SYCP2L: variants seen among roughly 807,000 people sequenced by gnomAD.
The protein encoded by SYCP2L is synaptonemal complex protein 2-like.
Under a neutral mutation model 125.8 loss-of-function variants are expected in SYCP2L, and 98 were observed. That is an observed-to-expected ratio of 0.78 (90% CI 0.66 to 0.92). The LOEUF (loss-of-function observed/expected upper bound fraction) is 0.92, where lower values mean the gene tolerates loss of function less well. SYCP2L is among the 40% of genes least tolerant of loss of function. The probability of loss-of-function intolerance (pLI) is 0.00; values close to 1 mark genes in which losing one functional copy is unlikely to be tolerated. For missense variants in SYCP2L, 842 were observed against 936.4 expected (o/e 0.90, Z 1.32); for synonymous variants, 317 against 325.4 (o/e 0.97, Z 0.28).
At chr6:10,953,170 C>A (rs1396951329) in intron 23 of SYCP2L, among the ~76,000 whole-genome samples, 1 of 152,104 alleles carries the variant, frequency 6.6e-6, no homozygotes, top group Non-Finnish European at 1.5e-5. Context: ...GCTTTGAGAT[C>A]ATCCTTTTTC....
At chr6:10,945,101 G>A (rs1237944) in intron 23 of SYCP2L, among the ~76,000 whole-genome samples, 2 of 151,968 alleles carry the variant, frequency 1.3e-5, no homozygotes, top group Non-Finnish European at 2.9e-5. Flanking sequence ...GGAGCTTTTA[G>A]CTATCTTTTT....
At chr6:10,916,157 A>G (rs768358672) in intron 14 of SYCP2L, among the ~76,000 whole-genome samples, 34 of 152,176 alleles carry the variant, frequency 2.2e-4, no homozygotes, top group Non-Finnish European at 4.7e-4. Flanking sequence ...CAGTGGTGTC[A>G]GTTGTAATAT....
At chr6:10,898,986 A>G in intron 6 of SYCP2L, 138 bp downstream of exon 6, 1 of 613,874 alleles carries the variant, frequency 1.6e-6, no homozygotes, top group Non-Finnish European at 2.9e-6. Flanking sequence ...CCTTATGGTC[A>G]TCATAGTGTC....
chr6:10,943,815 T>C (rs950720676), intron 23 of SYCP2L, among the ~76,000 whole-genome samples: 3 of 152,356 alleles, frequency 2.0e-5, no homozygotes, highest in Admixed American at 6.5e-5. Context: ...GACATTATAC[T>C]GTATACATTA....
intron 28 of SYCP2L, among the ~76,000 whole-genome samples, chr6:10,961,798 A>AT (rs1362562172): frequency 1.3e-5 from 2 of 152,048 alleles, no homozygotes; most frequent in Non-Finnish European, 2.9e-5. Context: ...TAAAATCCCA[A>AT]TTTTTTTATT....
chr6:10,920,273 A>G (rs910017335), intron 14 of SYCP2L, among the ~76,000 whole-genome samples: 2 of 152,152 alleles, frequency 1.3e-5, no homozygotes, highest in African/African-American at 4.8e-5. Flanking sequence ...GCTGGAGTGC[A>G]GTGGCGTGAT....
intron 14 of SYCP2L, among the ~76,000 whole-genome samples, chr6:10,914,958 C>G (rs1780665885): frequency 6.6e-6 from 1 of 152,078 alleles, no homozygotes; most frequent in Admixed American, 6.5e-5. Context: ...GTTAGCCAGG[C>G]CGATCATGAA....
Position 10,898,431 on chromosome 6 carries a change from T to C in SYCP2L, c.441+316T>C, listed in dbSNP as rs1187628223. ...GGGAGGCTGAGGCAGGAGAATCGCTTGAACCTGGGAGGCGGAGCTTATATA... is the reference window on the plus strand; with the variant it reads ...GGGAGGCTGAGGCAGGAGAATCGCTCGAACCTGGGAGGCGGAGCTTATATA... On this transcript the variant is annotated intron_variant, in intron 5 of 29. Coordinates refer to ENST00000283141, the MANE Select transcript of SYCP2L (RefSeq NM_001040274.3). Among the ~76,000 whole-genome samples the C allele has an allele frequency of 2.6e-5, 4 of 152,142 alleles. No homozygotes were observed. The South Asian group carries it at 6.2e-4, about 24-fold the overall frequency.
chr6:10,951,706 G>T (rs1405300701), intron 23 of SYCP2L, among the ~76,000 whole-genome samples: 1 of 152,160 alleles, frequency 6.6e-6, no homozygotes, highest in Non-Finnish European at 1.5e-5. Flanking sequence ...AGGATCTTTT[G>T]GTAGATTCTG....
At chr6:10,887,973 G>A (rs1480088064) in intron 1 of SYCP2L, among the ~76,000 whole-genome samples, 1 of 149,642 alleles carries the variant, frequency 6.7e-6, no homozygotes, top group Non-Finnish European at 1.5e-5. Context: ...CATTCACTGA[G>A]CCATTTTTAT....
chr6:10,960,248 T>C (rs1050954499), intron 26 of SYCP2L, among the ~76,000 whole-genome samples: 3 of 152,204 alleles, frequency 2.0e-5, no homozygotes, highest in African/African-American at 7.2e-5. Flanking sequence ...AATACATTAT[T>C]TGAATAGAAA....
intron 29 of SYCP2L, among the ~76,000 whole-genome samples, chr6:10,967,039 A>G (rs1337835537): frequency 6.6e-6 from 1 of 152,220 alleles, no homozygotes; most frequent in Non-Finnish European, 1.5e-5. Context: ...CTTAAAAAGC[A>G]TAAGAAGATA....
Position 10,912,638 on chromosome 6 carries a change from A to G in SYCP2L, c.919-35A>G, listed in dbSNP as rs774296288. ...TATCTGACCCTATAGCATGATTTTT[A>G]TGTGTATAAGTCATGCTGAAATGAT... On this transcript the variant is annotated intron_variant, in intron 12 of 29. Transcript: ENST00000283141. This position sits in a 1 kb window ranked among gnomAD's most constrained non-coding sequence, Gnocchi z 4.1. 15 of 1,460,496 alleles carry G rather than the reference A, an allele frequency of 1.0e-5. No homozygotes were observed. The East Asian group carries it at 3.2e-4, about 31-fold the overall frequency. 90.5% of individuals were successfully genotyped at this position (1,460,496 alleles called of 1,614,324 possible).
rs1266435923 is a variant in SYCP2L at position 10,907,757 on chromosome 6, A to G, written c.819+73A>G. ...GCATCCGCTGAGAACTTTCCTGTGC[A>G]TTGGGCTTACGGGAGGATTTTTTTG... On this transcript the variant is annotated intron_variant, in intron 10 of 29. Coordinates refer to ENST00000283141, the MANE Select transcript of SYCP2L (RefSeq NM_001040274.3). 11 of 1,527,310 alleles carry G rather than the reference A, an allele frequency of 7.2e-6. No individual in the cohort carries two copies. In the Admixed American group the frequency reaches 9.4e-5, roughly 13 times the overall value. 94.6% of individuals were successfully genotyped at this position (1,527,310 alleles called of 1,614,324 possible). A position where few individuals can be genotyped will look rare whatever the true frequency, so the allele number is the denominator to read the frequency against.
chr6:10,919,796 T>A (rs1581826222), intron 14 of SYCP2L, among the ~76,000 whole-genome samples: 1 of 152,100 alleles, frequency 6.6e-6, no homozygotes, highest in East Asian at 1.9e-4. Flanking sequence ...AATGGAGTTA[T>A]GTTCCTAGGA....
At chr6:10,903,279 T>A (rs986352609) in intron 8 of SYCP2L, among the ~76,000 whole-genome samples, 1 of 151,836 alleles carries the variant, frequency 6.6e-6, no homozygotes, top group Non-Finnish European at 1.5e-5. Context: ...CCAGGCGTGG[T>A]GGCTCACGCC....
At chr6:10,969,260 A>C (rs979666953) in intron 29 of SYCP2L, among the ~76,000 whole-genome samples, 2 of 151,956 alleles carry the variant, frequency 1.3e-5, no homozygotes, top group Admixed American at 1.3e-4. Context: ...TTTTAACTTG[A>C]GAGTAAACTG....
At chr6:10,941,018 C>T (rs1781207870) in intron 21 of SYCP2L, among the ~76,000 whole-genome samples, 1 of 152,118 alleles carries the variant, frequency 6.6e-6, no homozygotes, top group South Asian at 2.1e-4. Context: ...AAGAATTCAT[C>T]TTTGACAAAC....
At chr6:10,905,834 G>GATC (rs1201749852) in intron 8 of SYCP2L, among the ~76,000 whole-genome samples, 186 bp from the exon 9 acceptor site, 2 of 152,172 alleles carry the variant, frequency 1.3e-5, no homozygotes, top group Non-Finnish European at 2.9e-5. Flanking sequence ...ATAACATCTA[G>GATC]ATCATTAATA....
Sources: gnomAD v4.1 joint callset for allele counts (sites outside exome capture counted in the v4.1 genomes callset) on GRCh38, gnomAD v4.1.1 for gene constraint, Gnocchi (gnomAD v3.1) non-coding constraint, MANE v1.5 for transcripts, NCBI Gene and HGNC (gene_info 2026-07-23, HGNC 2026-07-21) for gene names.